The following SFMBT1 variants were observed in gnomAD, a reference collection of about 807,000 sequenced individuals.
The protein encoded by SFMBT1 is scm-like with four MBT domains protein 1.
A neutral mutation model predicts 108.7 loss-of-function variants in SFMBT1; 32 were observed. The observed-to-expected ratio is 0.29, with a 90% CI of 0.22 to 0.40. The LOEUF (loss-of-function observed/expected upper bound fraction) is 0.40. Ranked by LOEUF, SFMBT1 falls within the 10% of genes least tolerant of loss-of-function variation. The pLI, the probability that SFMBT1 is intolerant of heterozygous loss-of-function variation, is 1.00. For synonymous variants in SFMBT1, 348 were observed against 369.5 expected (o/e 0.94, Z 0.67); for missense variants, 816 against 1,059.6 (o/e 0.77, Z 3.19).
intron 10 of SFMBT1, among the ~76,000 whole-genome samples, chr3:52,923,842 T>G (rs1702582883): frequency 6.6e-6 from 1 of 151,644 alleles, no homozygotes; most frequent in South Asian, 2.1e-4. Flanking sequence ...TTAAAAAAAA[T>G]TTCCCAACAC....
chr3:53,013,615 CTTTTTTTTTTTT>C (rs397989629), intron 1 of SFMBT1, among the ~76,000 whole-genome samples: 8 of 58,080 alleles, frequency 1.4e-4, no homozygotes, highest in South Asian at 9.5e-4. Flanking sequence ...TATAAAGAAT[CTTTTTTTTTTTT>C]TTTTTTTTTT....
At chr3:53,034,761 AC>A (rs1172927352) in intron 1 of SFMBT1, among the ~76,000 whole-genome samples, 5 of 151,272 alleles carry the variant, frequency 3.3e-5, no homozygotes, top group South Asian at 2.1e-4. Context: ...ACACGGAGAA[AC>A]CCCCATCGCT....
chr3:52,992,010 C>G (rs1423738131), intron 1 of SFMBT1, among the ~76,000 whole-genome samples: 1 of 151,784 alleles, frequency 6.6e-6, no homozygotes, highest in East Asian at 1.9e-4. Context: ...ATCAATGACA[C>G]AGGGATAAAA....
intron 1 of SFMBT1, among the ~76,000 whole-genome samples, chr3:52,979,338 ACAGATATGTATTTCCCACT>A (rs1223419322): frequency 6.6e-6 from 1 of 152,236 alleles, no homozygotes; most frequent in African/African-American, 2.4e-5. Flanking sequence ...GCTTAATCCA[ACAGATATGTATTTCCCACT>A]CAGATGAAGT....
intron 4 of SFMBT1, among the ~76,000 whole-genome samples, chr3:52,942,751 G>A (rs1703227673): frequency 6.6e-6 from 1 of 152,338 alleles, no homozygotes; most frequent in African/African-American, 2.4e-5. Context: ...CTGACCTCAG[G>A]TGATCCAGCC....
chr3:52,983,818 T>C (rs971310840), intron 1 of SFMBT1, among the ~76,000 whole-genome samples: 2 of 152,216 alleles, frequency 1.3e-5, no homozygotes, highest in Non-Finnish European at 1.5e-5. Context: ...TCATATTTTA[T>C]ATGAACTTGC....
chr3:52,951,941 A>G (rs2106830148), intron 3 of SFMBT1, among the ~76,000 whole-genome samples: 1 of 152,364 alleles, frequency 6.6e-6, no homozygotes, highest in East Asian at 1.9e-4. Flanking sequence ...CCAACAATGC[A>G]ATATGAAATA....
Position 52,907,675 on chromosome 3 carries a change from ACT to A in SFMBT1, c.1963_1964del (p.Ser655Ter), listed in dbSNP as rs1702105070. ...KRIGRPPGGHSNLACALKKAS... is the reference protein window; with the variant it reads ...KRIGRPPGGHXNLACALKKAS... Reference sequence around the variant, plus strand: ...CTTTTTTCAGGGCACAAGCTAAGTTACTATGCCCACCAGGTGGCCTCCCAATT... The same window carrying A: ...CTTTTTTCAGGGCACAAGCTAAGTTAATGCCCACCAGGTGGCCTCCCAATT... On this transcript the variant is annotated frameshift_variant, in exon 18 of 21. Coordinates refer to ENST00000394752, the MANE Select transcript of SFMBT1 (RefSeq NM_016329.4). LOFTEE classifies it high-confidence loss of function. The A allele has an allele frequency of 1.2e-6, 2 of 1,614,040 alleles. No homozygotes were observed.
intron 1 of SFMBT1, among the ~76,000 whole-genome samples, chr3:53,015,554 A>G (rs1290190767): frequency 6.6e-6 from 1 of 152,246 alleles, no homozygotes; most frequent in Non-Finnish European, 1.5e-5. Flanking sequence ...ACTGATGAGT[A>G]GATAAATAAG....
chr3:52,944,666 C>A (rs1406635627), intron 3 of SFMBT1, among the ~76,000 whole-genome samples: 2 of 151,906 alleles, frequency 1.3e-5, no homozygotes, highest in Non-Finnish European at 2.9e-5. Context: ...GTTACAGGCG[C>A]CCGCCACAAC....
rs201619999 is a variant in SFMBT1 at position 52,907,249 on chromosome 3, A to G, written c.2151T>C (p.Ser717=). 4 of 1,613,958 alleles carry G rather than the reference A, an allele frequency of 2.5e-6. No individual in the cohort carries two copies. Among genetic ancestry groups the G allele is most frequent in the Non-Finnish European group, 3.4e-6 (4 of 1,180,028 alleles). The part of the protein sequence containing the change: ...EGDDDSLSEG[S]TSEQQDELQE... ...GTAGCTCATCCTGCTGCTCGGATGT[A>G]CTGCCTTCACTTAGGGAATCATCAT... The change falls in exon 19 of 21, where the codon AGT becomes AGC. Residue 717 remains serine, a synonymous_variant. Coordinates refer to ENST00000394752, the MANE Select transcript of SFMBT1 (RefSeq NM_016329.4).
At chr3:52,939,901 C>T (rs926035166) in intron 4 of SFMBT1, among the ~76,000 whole-genome samples, 4 of 151,772 alleles carry the variant, frequency 2.6e-5, no homozygotes, top group Non-Finnish European at 1.5e-5. Flanking sequence ...CAAATCTTCC[C>T]TTTTTTAATC....
rs1459064512 is a variant in SFMBT1, at chr3:52,921,563, C to T, written c.1258+142G>A. On this transcript the variant is annotated intron_variant, in intron 11 of 20. Transcript: ENST00000394752. ...CAAGGACAGGAAAATAAATATTTCG[C>T]TTAGAGTCTTGCATTACAAAAGTCT... 6.8e-6 allele frequency: 6 copies of T among 885,086 alleles called. No homozygotes were observed. In the East Asian group the frequency reaches 1.6e-4, roughly 24 times the overall value. The allele number at this position is 885,086 out of a possible 1,614,324, so 54.8% of individuals were successfully genotyped here.
At chr3:52,967,268 C>G (rs1314511053) in intron 2 of SFMBT1, among the ~76,000 whole-genome samples, 1 of 152,004 alleles carries the variant, frequency 6.6e-6, no homozygotes, top group Non-Finnish European at 1.5e-5. Flanking sequence ...TTAGTGTATG[C>G]TGTGTCAAGA....
chr3:52,997,216 C>T (rs971055770), intron 1 of SFMBT1, among the ~76,000 whole-genome samples: 1 of 150,060 alleles, frequency 6.7e-6, no homozygotes, highest in African/African-American at 2.4e-5. Context: ...CTAGAAATAA[C>T]CCAAATGTCC....
intron 1 of SFMBT1, among the ~76,000 whole-genome samples, chr3:52,997,312 C>A (rs762946700): frequency 2.0e-5 from 3 of 149,638 alleles, no homozygotes; most frequent in Admixed American, 6.8e-5. Flanking sequence ...CCGAGGGGGG[C>A]GGATCACGAG....
chr3:53,010,448 T>C (rs1310298581), intron 1 of SFMBT1, among the ~76,000 whole-genome samples: 1 of 152,224 alleles, frequency 6.6e-6, no homozygotes, highest in East Asian at 1.9e-4. Context: ...GAACCCTCTG[T>C]GGGGCTGGTA....
At chr3:52,960,452 C>T (rs1303912904) in intron 2 of SFMBT1, among the ~76,000 whole-genome samples, 1 of 152,104 alleles carries the variant, frequency 6.6e-6, no homozygotes, top group Non-Finnish European at 1.5e-5. Context: ...AATGCCATTT[C>T]ACACATATTA....
At chr3:52,931,143 GA>G (rs1702845754) in intron 6 of SFMBT1, 108 bp from the exon 7 acceptor site, 2 of 993,220 alleles carry the variant, frequency 2.0e-6, no homozygotes, top group Non-Finnish European at 3.1e-6. Context: ...ACTGGAACTA[GA>G]AAAGGGTTCA....
Sources: allele counts gnomAD v4.1 joint callset (sites outside exome capture counted in the v4.1 genomes callset), GRCh38; gene constraint gnomAD v4.1.1; transcripts MANE v1.5; gene names NCBI Gene and HGNC (gene_info 2026-07-23, HGNC 2026-07-21).